The following MS4A4E variants were observed in gnomAD, a reference collection of about 807,000 sequenced individuals.
MS4A4E encodes putative membrane-spanning 4-domains subfamily A member 4E.
A neutral mutation model predicts 13.3 loss-of-function variants in MS4A4E; 23 were observed. The ratio of observed to expected loss-of-function variants is 1.73; its 90% CI spans 1.25 to 2.45. MS4A4E has a LOEUF of 2.45. Ranked by LOEUF, MS4A4E falls within the 30% of genes most tolerant of loss-of-function variation. The probability of loss-of-function intolerance (pLI) is 0.00; values close to 1 mark genes in which losing one functional copy is unlikely to be tolerated. For missense variants in MS4A4E, 144 were observed against 131.2 expected (o/e 1.10, Z -0.48); for synonymous variants, 36 against 45.6 (o/e 0.79, Z 0.85).
At chr11:60,235,819 T>G (rs2084476359) in intron 1 of MS4A4E, among the ~76,000 whole-genome samples, 1 of 152,212 alleles carries the variant, frequency 6.6e-6, no homozygotes, top group Non-Finnish European at 1.5e-5. Flanking sequence ...GCTCTATATC[T>G]AAAATTTGTG....
chr11:60,222,035 G>A (rs929232649), intron 3 of MS4A4E, among the ~76,000 whole-genome samples: 1 of 152,156 alleles, frequency 6.6e-6, no homozygotes, highest in Non-Finnish European at 1.5e-5. Flanking sequence ...CCTGGCTATG[G>A]CCACTGCTGA....
chr11:60,219,512 T>C (rs976200056), intron 3 of MS4A4E, among the ~76,000 whole-genome samples: 4 of 152,160 alleles, frequency 2.6e-5, no homozygotes, highest in Non-Finnish European at 5.9e-5. Context: ...AGCAGAAAAC[T>C]TCCAGGTCGA....
At chr11:60,205,557 A>G (rs950866239) in intron 7 of MS4A4E, among the ~76,000 whole-genome samples, 157 bp downstream of exon 7, 2 of 152,230 alleles carry the variant, frequency 1.3e-5, no homozygotes, top group African/African-American at 4.8e-5. Context: ...TCATAGGTCT[A>G]TGGGCCAGAC....
chr11:60,236,735 T>A (rs1006520805), intron 1 of MS4A4E, among the ~76,000 whole-genome samples: 1 of 147,730 alleles, frequency 6.8e-6, no homozygotes, highest in African/African-American at 2.5e-5. Flanking sequence ...TCATCCAGGT[T>A]TTTTTTTTTT....
chr11:60,206,474 C>CACAT (rs1439157075), intron 6 of MS4A4E, among the ~76,000 whole-genome samples: 2 of 82,488 alleles, frequency 2.4e-5, no homozygotes, highest in African/African-American at 1.2e-4. Flanking sequence ...CACACACACA[C>CACAT]ATATATATAT....
At chr11:60,220,274 T>A (rs145500996) in intron 3 of MS4A4E, among the ~76,000 whole-genome samples, 4 of 152,188 alleles carry the variant, frequency 2.6e-5, no homozygotes, top group Non-Finnish European at 4.4e-5. Context: ...CTTAACCAAG[T>A]AGTGACTCCA....
chr11:60,222,019 C>T (rs2084275977), intron 3 of MS4A4E, among the ~76,000 whole-genome samples: 1 of 152,144 alleles, frequency 6.6e-6, no homozygotes, highest in African/African-American at 2.4e-5. Context: ...GACTTCCATT[C>T]ACTGACCTGG....
In MS4A4E at chr11:60,200,928, T is replaced by C. The variant is rs868793809; in HGVS notation, c.*615A>G. Among the ~76,000 whole-genome samples, 2,493 of 100,502 alleles carry C rather than the reference T, an allele frequency of 0.025. 62 individuals carry two copies. Among genetic ancestry groups the C allele is most frequent in the African/African-American group, 0.088 (2,323 of 26,300 alleles). The allele number at this position is 100,502 out of a possible 152,430, so 65.9% of individuals were successfully genotyped here. ...GCTGGCCGGGCGGGGGGCTGACCCC[T>C]CCACCTCCCTCCCGGACGGGGCGGC... On this transcript the variant is annotated 3_prime_UTR_variant, in exon 9 of 9. Coordinates refer to ENST00000651255, the MANE Select transcript of MS4A4E (RefSeq NM_001393391.1).
At chr11:60,217,295 C>T (rs149301290) in intron 3 of MS4A4E, among the ~76,000 whole-genome samples, 1 of 152,172 alleles carries the variant, frequency 6.6e-6, no homozygotes, top group African/African-American at 2.4e-5. Context: ...CACCAGGTGT[C>T]TACTGTTAAA....
At chr11:60,242,095 T>A (rs1306051897) in intron 1 of MS4A4E, among the ~76,000 whole-genome samples, 5 of 152,072 alleles carry the variant, frequency 3.3e-5, no homozygotes, top group Non-Finnish European at 5.9e-5. Flanking sequence ...AAACCCAAAA[T>A]GAGGCCTGAA....
At chr11:60,211,677 C>T (rs970344212) in intron 5 of MS4A4E, among the ~76,000 whole-genome samples, 2 of 152,144 alleles carry the variant, frequency 1.3e-5, no homozygotes, top group African/African-American at 4.8e-5. Context: ...GTTTAGGAGG[C>T]CGAGGTGGGT....
intron 8 of MS4A4E, among the ~76,000 whole-genome samples, chr11:60,203,826 G>A (rs1003841982): frequency 6.6e-6 from 1 of 152,082 alleles, no homozygotes; most frequent in Non-Finnish European, 1.5e-5. Flanking sequence ...TTTCATGGAC[G>A]TTTTCCTACT....
intron 5 of MS4A4E, among the ~76,000 whole-genome samples, chr11:60,211,836 C>T (rs897200578): frequency 6.6e-5 from 10 of 152,122 alleles, no homozygotes; most frequent in African/African-American, 2.4e-4. Flanking sequence ...TCACTTGAAC[C>T]CAGGAGGTGG....
intron 3 of MS4A4E, among the ~76,000 whole-genome samples, chr11:60,218,124 G>A (rs753159238): frequency 5.9e-5 from 9 of 152,164 alleles, no homozygotes; most frequent in Middle Eastern, 3.2e-3. Flanking sequence ...TCTTATGGTC[G>A]AGGCTGTAGG....
At chr11:60,206,489 G>GTATATATATATGTATATATATATGTA in intron 6 of MS4A4E, among the ~76,000 whole-genome samples, 1 of 97,572 alleles carries the variant, frequency 1.0e-5, no homozygotes, top group Non-Finnish European at 2.0e-5. Context: ...ATATATATAT[G>GTATATATATATGTATATATATATGTA]TATATATATA....
At chr11:60,234,335 G>A (rs1400621695) in intron 1 of MS4A4E, among the ~76,000 whole-genome samples, 1 of 152,150 alleles carries the variant, frequency 6.6e-6, no homozygotes, top group African/African-American at 2.4e-5. Flanking sequence ...AGTTTTGGAG[G>A]GTCGTGGATG....
chr11:60,211,246 G>A lies in MS4A4E; in HGVS notation c.381+1728C>T, dbSNP rs535539159. ...CCAATTTCTAACTGAGTGACATTGG[G>A]AAAATTTGTCAAATTCTCAAAAGAA... On this transcript the variant is annotated intron_variant, in intron 5 of 8. Coordinates refer to ENST00000651255, the MANE Select transcript of MS4A4E (RefSeq NM_001393391.1). Among the ~76,000 whole-genome samples, 5 of 152,294 alleles carry A rather than the reference G, an allele frequency of 3.3e-5. No individual in the cohort carries two copies. In the East Asian group the frequency reaches 9.6e-4, roughly 29 times the overall value.
chr11:60,231,134 A>G (rs2084405764), intron 1 of MS4A4E, among the ~76,000 whole-genome samples: 1 of 152,146 alleles, frequency 6.6e-6, no homozygotes, highest in East Asian at 1.9e-4. Context: ...AAGTTGGGAG[A>G]AGGAGGGTGA....
At chr11:60,222,173 C>T (rs575802708) in intron 3 of MS4A4E, among the ~76,000 whole-genome samples, 3 of 152,262 alleles carry the variant, frequency 2.0e-5, no homozygotes, top group African/African-American at 7.2e-5. Flanking sequence ...GAAAGGGCAG[C>T]GGTTTTTCCT....
Sources: allele counts gnomAD v4.1 joint callset (sites outside exome capture counted in the v4.1 genomes callset), GRCh38; gene constraint gnomAD v4.1.1; transcripts MANE v1.5; gene names NCBI Gene and HGNC (gene_info 2026-07-23, HGNC 2026-07-21).